Variants in SFPQ observed in about 807,000 individuals in gnomAD.
The protein encoded by SFPQ is splicing factor proline and glutamine rich.
In SFPQ, 11 loss-of-function variants were observed where a neutral mutation model predicts 72.9. The ratio of observed to expected loss-of-function variants is 0.15; its 90% confidence interval spans 0.09 to 0.25. The LOEUF (loss-of-function observed/expected upper bound fraction) is 0.25, where lower values mean the gene tolerates loss of function less well. Ranked by LOEUF, SFPQ falls within the 10% of genes least tolerant of loss-of-function variation. The pLI, the probability that SFPQ is intolerant of heterozygous loss-of-function variation, is 1.00. For missense variants in SFPQ, 847 were observed against 993.3 expected, an observed-to-expected ratio of 0.85 and a Z score of 1.98; for synonymous variants, 506 against 367.3, an observed-to-expected ratio of 1.38 and a Z score of -4.32.
Position 35,192,326 on chromosome 1 carries a change from G to A in SFPQ, c.724C>T (p.Arg242Cys). ...KPPHRGGGEP[R>C]GGRQHHPPYH... is the part of the protein sequence containing the mutation. ...GGCGGGTGGTGCTGGCGGCCCCCGC[G>A]GGGCTCCCCGCCGCCTCGATGCGGC... is the stretch of plus-strand genomic sequence containing the variant. Residue 242 changes from arginine (R) to cysteine (C), a missense_variant, in exon 1 of 10, where the codon CGC becomes TGC. This residue lies in a region of SFPQ where 498 missense variants were observed against 405.1 expected (regional missense o/e 1.23). Transcript: ENST00000357214. 1 of 1,416,672 alleles carries A rather than the reference G, an allele frequency of 7.1e-7. No homozygotes were observed. Among genetic ancestry groups the A allele is most frequent in the Non-Finnish European group, 9.1e-7 (1 of 1,098,318 alleles). The allele number at this position is 1,416,672 out of a possible 1,614,324, so 87.8% of individuals were successfully genotyped here.
downstream of SFPQ, chr1:35,182,160 G>A (rs934173006): frequency 1.0e-5 from 10 of 985,098 alleles, no homozygotes; most frequent in African/African-American, 5.2e-5. Context: ...CCCATTTCCC[G>A]ACCAGCCCCC....
intron 6 of SFPQ, among the ~76,000 whole-genome samples, chr1:35,188,429 A>G (rs1235968840): frequency 6.6e-6 from 1 of 152,204 alleles, no homozygotes; most frequent in Non-Finnish European, 1.5e-5. Context: ...CAGGGTTGGT[A>G]GTTCATGCCT....
At chr1:35,189,155 A>G in intron 5 of SFPQ, 31 bp downstream of exon 5, 1 of 1,613,552 alleles carries the variant, frequency 6.2e-7, no homozygotes, top group Non-Finnish European at 8.5e-7. Context: ...AATTGACCTT[A>G]GCAATGATGT....
In SFPQ at chr1:35,188,886, A is replaced by T. The variant is rs1639858857; in HGVS notation, c.1697+117T>A. The T allele has an allele frequency of 6.6e-6, 5 of 761,262 alleles. No individual in the cohort carries two copies. In the East Asian group the frequency reaches 1.3e-4, roughly 20 times the overall value. The allele number at this position is 761,262 out of a possible 1,614,324, so 47.2% of individuals were successfully genotyped here. A position where few individuals can be genotyped will look rare whatever the true frequency, so the allele number is the denominator to read the frequency against. On this transcript the variant is annotated intron_variant, in intron 6 of 9. Transcript: ENST00000357214. ...TGAGGCAAGAGAATCGCTTGAACCC[A>T]GGAAGCGGAGGTTGTGGTGAGCTGA...
intron 7 of SFPQ, 70 bp downstream of exon 7, chr1:35,187,903 T>G: frequency 1.1e-6 from 1 of 900,242 alleles, no homozygotes; most frequent in East Asian, 2.4e-5. Flanking sequence ...TAAAATTTCC[T>G]GTAATTCCTT....
At chr1:35,189,808 G>A (rs760741312) in intron 4 of SFPQ, among the ~76,000 whole-genome samples, 5 of 151,978 alleles carry the variant, frequency 3.3e-5, no homozygotes, top group Non-Finnish European at 7.4e-5. Context: ...AAATTAGCTG[G>A]GCATGGTGGC....
At position 35,183,652 on chromosome 1, in the gene SFPQ, T is replaced by C. The variant is rs1639575248; in HGVS notation, c.*804A>G. 9.6e-7 allele frequency: 1 copy of C among 1,038,014 alleles called. No homozygotes were observed. The highest frequency in any genetic ancestry group is 1.2e-6 in the Non-Finnish European group (1 of 861,750). The allele number at this position is 1,038,014 out of a possible 1,614,324, so 64.3% of individuals were successfully genotyped here. Reference sequence around the variant, plus strand: ...GTAAAAGTTCAATACAAGCCATTTATAGGGCTTGAGATTTGTTGGTCTTTT... The same window carrying C: ...GTAAAAGTTCAATACAAGCCATTTACAGGGCTTGAGATTTGTTGGTCTTTT... On this transcript the variant is annotated 3_prime_UTR_variant, in exon 10 of 10. Transcript: ENST00000357214.
At chr1:35,181,388 T>C (rs1243565979), downstream of SFPQ, 2 of 1,064,364 alleles carry the variant, frequency 1.9e-6, no homozygotes, top group Non-Finnish European at 1.1e-6. Flanking sequence ...TGCCATAATA[T>C]GCCACTTAAA....
At chr1:35,182,070 G>A (rs1336249752), downstream of SFPQ, 2 of 985,008 alleles carry the variant, frequency 2.0e-6, no homozygotes, top group Non-Finnish European at 1.2e-6. Context: ...TATTTTAGGG[G>A]GTCTGTGCCA....
At position 35,192,804 on chromosome 1, in the gene SFPQ, CGGCTGCTGCGGCGGT is replaced by C. The variant is rs757660991; in HGVS notation, c.231_245del (p.Gln80_Pro84del). On this transcript the variant is annotated inframe_deletion, in exon 1 of 10. Coordinates refer to ENST00000357214, the MANE Select transcript of SFPQ (RefSeq NM_005066.3). ...GATGCGGCGGCGGCTGATGCGGTGG[CGGCTGCTGCGGCGGT>C]GGCTGCTGCGGTGGTGGCTGTTGCT... The C allele has an allele frequency of 2.7e-4, 401 of 1,498,888 alleles. 1 individual carries two copies. In the South Asian group the frequency reaches 3.2e-3, roughly 12 times the overall value. The allele number at this position is 1,498,888 out of a possible 1,614,324, so 92.8% of individuals were successfully genotyped here.
At chr1:35,178,966 TGA>T (rs1639359816), downstream of SFPQ, 2 of 1,055,372 alleles carry the variant, frequency 1.9e-6, no homozygotes, top group Non-Finnish European at 2.3e-6. Context: ...CAGCAACTGT[TGA>T]GATTTCCAGT....
At chr1:35,187,639 G>A (rs1639784472) in intron 7 of SFPQ, among the ~76,000 whole-genome samples, 1 of 151,930 alleles carries the variant, frequency 6.6e-6, no homozygotes, top group African/African-American at 2.4e-5. Flanking sequence ...GCTGAGGCAG[G>A]AGAATCACTT....
chr1:35,182,950 T>C lies in SFPQ; in HGVS notation c.*1506A>G, dbSNP rs994929816. On this transcript the variant is annotated 3_prime_UTR_variant, in exon 10 of 10. Coordinates refer to ENST00000357214, the MANE Select transcript of SFPQ (RefSeq NM_005066.3). ...AACACCATGGAAACATTCCAAGCCT[T>C]TATGGTGGGAGGAAGGGATATTTGT... The C allele has an allele frequency of 1.8e-4, 187 of 1,043,716 alleles. No individual in the cohort carries two copies. The highest frequency in any genetic ancestry group is 2.1e-4 in the Non-Finnish European group (178 of 865,840). The allele number at this position is 1,043,716 out of a possible 1,614,324, so 64.7% of individuals were successfully genotyped here. A position where few individuals can be genotyped will look rare whatever the true frequency, so the allele number is the denominator to read the frequency against.
At position 35,182,993 on chromosome 1, in the gene SFPQ, A is replaced by G; in HGVS notation, c.*1463T>C. ...ATATTTGTACTGTGTAGCATGAGCA[A>G]CTTTCTCCAGATTTAGTGCTACATG... On this transcript the variant is annotated 3_prime_UTR_variant, in exon 10 of 10. Transcript: ENST00000357214. 5.8e-6 allele frequency: 6 copies of G among 1,040,456 alleles called. No individual in the cohort carries two copies. The highest frequency in any genetic ancestry group is 6.9e-6 in the Non-Finnish European group (6 of 863,774). The allele number at this position is 1,040,456 out of a possible 1,614,324, so 64.5% of individuals were successfully genotyped here. A position where few individuals can be genotyped will look rare whatever the true frequency, so the allele number is the denominator to read the frequency against.
At chr1:35,191,087 C>G (rs1639972129) in intron 2 of SFPQ, 92 bp from the exon 3 acceptor site, 1 of 1,167,964 alleles carries the variant, frequency 8.6e-7, no homozygotes, top group African/African-American at 1.5e-5. Context: ...TCCCTTTCTT[C>G]CTTCAGCTCA....
At position 35,190,771 on chromosome 1, in the gene SFPQ, G is replaced by C; in HGVS notation, c.1242C>G (p.Gly414=). 1 of 1,614,184 alleles carries C rather than the reference G, an allele frequency of 6.2e-7. No homozygotes were observed. Among genetic ancestry groups the C allele is most frequent in the Non-Finnish European group, 8.5e-7 (1 of 1,180,030 alleles). Residue 414 remains glycine, a synonymous_variant, in exon 3 of 10, where the codon GGC becomes GGG. Transcript: ENST00000357214. ...CTGGCTTAGAAGCAAATTCAACAAT[G>C]CCTTTCCCTGTAGATCTTCCACGAT... The part of the protein sequence containing the change: ...VDDRGRSTGK[G]IVEFASKPAA...
chr1:35,182,610 A>C (rs182442980), downstream of SFPQ: 1 of 985,428 alleles, frequency 1.0e-6, no homozygotes, highest in East Asian at 1.1e-4. Flanking sequence ...ACAATACTAA[A>C]CTTCAGCATG....
chr1:35,186,442 G>C (rs1024246427), intron 9 of SFPQ, among the ~76,000 whole-genome samples: 1 of 151,784 alleles, frequency 6.6e-6, no homozygotes, highest in Non-Finnish European at 1.5e-5. Context: ...GATGTCAGTT[G>C]ATTTTAGAAG....
At chr1:35,178,173 AG>A (rs1288213749), downstream of SFPQ, 4 of 1,065,228 alleles carry the variant, frequency 3.8e-6, no homozygotes, top group African/African-American at 1.7e-5. Flanking sequence ...ATAAAAAAAT[AG>A]GAAGAAACTT....
Sources: allele counts gnomAD v4.1 joint callset (sites outside exome capture counted in the v4.1 genomes callset), GRCh38; gene constraint gnomAD v4.1.1; regional missense constraint gnomAD v4.1.1; transcripts MANE v1.5; gene names NCBI Gene and HGNC (gene_info 2026-07-23, HGNC 2026-07-21).